Variants in KLHL1 observed in about 807,000 individuals in gnomAD.
The protein encoded by KLHL1 is kelch like family member 1, also known as kelch-like protein 1.
Under a neutral mutation model 77.7 loss-of-function variants are expected in KLHL1, and 47 were observed. That is an observed-to-expected ratio of 0.60 (90% CI 0.48 to 0.77). The LOEUF is 0.77. KLHL1 is among the 30% of genes least tolerant of loss of function. KLHL1 has a pLI of 0.00. For synonymous variants in KLHL1, 360 were observed against 325.2 expected, an observed-to-expected ratio of 1.11 and a Z score of -1.15; for missense variants, 925 against 910.8, an observed-to-expected ratio of 1.02 and a Z score of -0.20.
intron 1 of KLHL1, among the ~76,000 whole-genome samples, chr13:70,042,860 A>G (rs1000999716): frequency 6.6e-6 from 1 of 152,166 alleles, no homozygotes; most frequent in Admixed American, 6.5e-5. Context: ...CCAGTGGGAC[A>G]AGATATGGAG....
chr13:69,772,602 T>C (rs556921113), intron 7 of KLHL1, among the ~76,000 whole-genome samples: 1 of 152,322 alleles, frequency 6.6e-6, no homozygotes, highest in South Asian at 2.1e-4. Flanking sequence ...ATTTCAAATA[T>C]TATGTTGATC....
chr13:69,870,837 G>T (rs1880553216), intron 5 of KLHL1, among the ~76,000 whole-genome samples: 1 of 152,014 alleles, frequency 6.6e-6, no homozygotes, highest in Non-Finnish European at 1.5e-5. Flanking sequence ...GCACACTAGT[G>T]TGAGAGGTGA....
chr13:70,093,241 A>G (rs1031773978), intron 1 of KLHL1, among the ~76,000 whole-genome samples: 9 of 152,140 alleles, frequency 5.9e-5, no homozygotes, highest in South Asian at 2.1e-4. Context: ...GAAGTGAGGG[A>G]AATAGGAAAA....
Position 69,956,958 on chromosome 13 carries a change from C to T in KLHL1, c.817+4350G>A, listed in dbSNP as rs1232184975. Among the ~76,000 whole-genome samples the T allele has an allele frequency of 5.3e-5, 8 of 151,710 alleles. No homozygotes were observed. In the East Asian group the frequency reaches 1.2e-3, roughly 22 times the overall value. ...TGAAGTTCTAGACATTGCTACTTCTCGAGGTGATTTGAACATAGAGTGATA... is the reference window on the plus strand; with the variant it reads ...TGAAGTTCTAGACATTGCTACTTCTTGAGGTGATTTGAACATAGAGTGATA... On this transcript the variant is annotated intron_variant, in intron 3 of 10. Transcript: ENST00000377844.
At chr13:69,856,048 A>G (rs892974673) in intron 5 of KLHL1, among the ~76,000 whole-genome samples, 4 of 150,634 alleles carry the variant, frequency 2.7e-5, no homozygotes, top group Non-Finnish European at 4.4e-5. Flanking sequence ...TGGGCCTGTC[A>G]TGTCTCTGCC....
At chr13:69,908,323 C>G (rs1882111564) in intron 4 of KLHL1, among the ~76,000 whole-genome samples, 1 of 151,438 alleles carries the variant, frequency 6.6e-6, no homozygotes, top group Non-Finnish European at 1.5e-5. Context: ...TGGGAAGATG[C>G]AGATTAAAGT....
chr13:69,850,326 A>G (rs778133806), intron 5 of KLHL1, among the ~76,000 whole-genome samples: 15 of 151,424 alleles, frequency 9.9e-5, no homozygotes, highest in Non-Finnish European at 1.9e-4. Context: ...TTTTTTTGAG[A>G]ATATGATATA....
intron 6 of KLHL1, among the ~76,000 whole-genome samples, chr13:69,832,138 T>C (rs1878787672): frequency 6.7e-6 from 1 of 149,680 alleles, no homozygotes; most frequent in African/African-American, 2.5e-5. Context: ...GCACCAAAAT[T>C]GGTAAAAAGG....
At chr13:70,017,896 T>G (rs1280996979) in intron 1 of KLHL1, among the ~76,000 whole-genome samples, 1 of 152,148 alleles carries the variant, frequency 6.6e-6, no homozygotes, top group Non-Finnish European at 1.5e-5. Flanking sequence ...ATCAAACAAG[T>G]CTTATCCAAT....
At chr13:69,955,275 A>T (rs1311436873) in intron 3 of KLHL1, among the ~76,000 whole-genome samples, 1 of 151,348 alleles carries the variant, frequency 6.6e-6, no homozygotes, top group Non-Finnish European at 1.5e-5. Flanking sequence ...CTCAGCCCCT[A>T]TGTGTGTATA....
intron 1 of KLHL1, among the ~76,000 whole-genome samples, chr13:70,057,341 T>C (rs1023704209): frequency 6.6e-6 from 1 of 151,976 alleles, no homozygotes; most frequent in African/African-American, 2.4e-5. Context: ...CACTGCTGAT[T>C]TCTACAAAAC....
chr13:70,101,368 C>T (rs1389001220), intron 1 of KLHL1, among the ~76,000 whole-genome samples: 1 of 151,666 alleles, frequency 6.6e-6, no homozygotes, highest in African/African-American at 2.4e-5. Context: ...TTTATACTAC[C>T]TTTCTTACAA....
intron 7 of KLHL1, among the ~76,000 whole-genome samples, chr13:69,771,704 T>G (rs1022090144): frequency 6.6e-6 from 1 of 152,138 alleles, no homozygotes; most frequent in South Asian, 2.1e-4. Context: ...TGCATAGTTT[T>G]TAGATTTGGG....
At chr13:69,978,366 A>G (rs1884608542) in intron 1 of KLHL1, among the ~76,000 whole-genome samples, 1 of 151,838 alleles carries the variant, frequency 6.6e-6, no homozygotes, top group South Asian at 2.1e-4. Flanking sequence ...TTAAAATTCA[A>G]GATATGAGAA....
chr13:69,911,681 G>T (rs1882244372), intron 4 of KLHL1, among the ~76,000 whole-genome samples: 1 of 151,488 alleles, frequency 6.6e-6, no homozygotes, highest in Admixed American at 6.6e-5. Flanking sequence ...CATTTATGTT[G>T]TGTATTACCA....
At chr13:69,717,875 C>T (rs1283590600) in intron 9 of KLHL1, among the ~76,000 whole-genome samples, 2 of 152,104 alleles carry the variant, frequency 1.3e-5, no homozygotes, top group African/African-American at 4.8e-5. Context: ...TTTCCGTGGA[C>T]TAGAAAATCT....
At chr13:70,088,107 G>A (rs2137438366) in intron 1 of KLHL1, among the ~76,000 whole-genome samples, 1 of 152,240 alleles carries the variant, frequency 6.6e-6, no homozygotes, top group South Asian at 2.1e-4. Flanking sequence ...TTTAAAAGAA[G>A]CTCAAACACT....
At chr13:69,772,437 A>G (rs1377132313) in intron 7 of KLHL1, among the ~76,000 whole-genome samples, 1 of 152,006 alleles carries the variant, frequency 6.6e-6, no homozygotes, top group African/African-American at 2.4e-5. Context: ...AAATTTGACA[A>G]TTTTTTTCTA....
chr13:69,939,034 G>A (rs1208147996), intron 4 of KLHL1, among the ~76,000 whole-genome samples: 3 of 151,394 alleles, frequency 2.0e-5, no homozygotes, highest in Admixed American at 2.0e-4. Flanking sequence ...TTCATTAGTT[G>A]TTTCAATAAT....
Sources: allele counts gnomAD v4.1 joint callset (sites outside exome capture counted in the v4.1 genomes callset), GRCh38; gene constraint gnomAD v4.1.1; transcripts MANE v1.5; gene names NCBI Gene and HGNC (gene_info 2026-07-23, HGNC 2026-07-21).